The following NT5E variants were observed in gnomAD, a reference collection of about 807,000 sequenced individuals.
NT5E encodes 5'-nucleotidase ecto, also known as 5'-nucleotidase.
Under a neutral mutation model 55.1 loss-of-function variants are expected in NT5E, and 53 were observed. The ratio of observed to expected loss-of-function variants is 0.96; its 90% CI spans 0.77 to 1.21. The LOEUF (loss-of-function observed/expected upper bound fraction) is 1.21, where lower values mean the gene tolerates loss of function less well. Among genes scored for constraint, NT5E ranks in the 50% most tolerant of loss-of-function variants. The probability of loss-of-function intolerance (pLI) is 0.00; values close to 1 mark genes in which losing one functional copy is unlikely to be tolerated. For missense variants in NT5E, 683 were observed against 724.3 expected (o/e 0.94, Z 0.65); for synonymous variants, 270 against 278.4 (o/e 0.97, Z 0.30).
intron 1 of NT5E, among the ~76,000 whole-genome samples, chr6:85,459,193 G>A (rs1241753691): frequency 6.6e-6 from 1 of 152,100 alleles, no homozygotes; most frequent in Non-Finnish European, 1.5e-5. Flanking sequence ...CAAACTCCTG[G>A]GCTCAAGCAA....
Position 85,450,571 on chromosome 6 carries a change from G to C in NT5E, c.339+93G>C. ...CGGATGGCAGAGTGTGGCAAGCCTA[G>C]GTCCAGGGCGCGGAGAGATGTGGGG... On this transcript the variant is annotated intron_variant, in intron 1 of 8. Transcript: ENST00000257770. This position sits in a 1 kb window ranked among gnomAD's most constrained non-coding sequence, Gnocchi z 4.0. 2 of 1,201,058 alleles carry C rather than the reference G, an allele frequency of 1.7e-6. No individual in the cohort carries two copies. The highest frequency in any genetic ancestry group is 4.0e-5 in the Admixed American group (2 of 50,550). 74.4% of individuals were successfully genotyped at this position (1,201,058 alleles called of 1,614,324 possible). A position where few individuals can be genotyped will look rare whatever the true frequency, so the allele number is the denominator to read the frequency against.
At chr6:85,467,011 T>C in intron 1 of NT5E, 49 bp from the exon 2 acceptor site, 1 of 1,529,792 alleles carries the variant, frequency 6.5e-7, no homozygotes, top group Non-Finnish European at 9.0e-7. Flanking sequence ...TGGACTAATG[T>C]TATGTTTTTA....
intron 1 of NT5E, among the ~76,000 whole-genome samples, chr6:85,463,465 A>G (rs1769132916): frequency 6.6e-6 from 1 of 152,208 alleles, no homozygotes; most frequent in Admixed American, 6.5e-5. Flanking sequence ...ACATACCTAA[A>G]CTGATGGTTA....
At chr6:85,462,956 C>A (rs1203005993) in intron 1 of NT5E, among the ~76,000 whole-genome samples, 1 of 152,124 alleles carries the variant, frequency 6.6e-6, no homozygotes, top group South Asian at 2.1e-4. Flanking sequence ...TACAAGTTAC[C>A]TTTATATTTC....
rs186697169 is a variant in NT5E at position 85,479,372 on chromosome 6, C to A, written c.752-5863C>A. Among the ~76,000 whole-genome samples the A allele has an allele frequency of 1.1e-3, 167 of 152,286 alleles. 1 individual carries two copies. The highest frequency in any genetic ancestry group is 4.0e-3 in the African/African-American group (167 of 41,560). ...CAAGAAACATTTATGGCTAGGAATT[C>A]ATGACTGCTCATCTGTAAGACACTC... On this transcript the variant is annotated intron_variant, in intron 3 of 8. Coordinates refer to ENST00000257770, the MANE Select transcript of NT5E (RefSeq NM_002526.4).
In NT5E at chr6:85,487,428, G is replaced by C; in HGVS notation, c.1043G>C (p.Gly348Ala). Reference protein sequence around the residue: ...ELGKTIVYLDGSSQSCRFREC... With the variant: ...ELGKTIVYLDASSQSCRFREC... Reference sequence around the variant, plus strand: ...GGGAAAACAATTGTCTATCTGGATGGCTCCTCTCAATCATGCCGCTTTAGA... The same window carrying C: ...GGGAAAACAATTGTCTATCTGGATGCCTCCTCTCAATCATGCCGCTTTAGA... Residue 348 changes from glycine (G) to alanine (A), a missense_variant, in exon 5 of 9, where the codon GGC (glycine) becomes GCC (alanine). Physicochemically the swap from Gly to Ala is moderately conservative, Grantham distance 60 (BLOSUM62 0). Coordinates refer to ENST00000257770, the MANE Select transcript of NT5E (RefSeq NM_002526.4). The C allele has an allele frequency of 6.2e-7, 1 of 1,614,132 alleles. No individual in the cohort carries two copies. The highest frequency in any genetic ancestry group is 1.7e-4 in the Middle Eastern group (1 of 6,060).
At chr6:85,466,777 T>C (rs909785462) in intron 1 of NT5E, among the ~76,000 whole-genome samples, 2 of 152,116 alleles carry the variant, frequency 1.3e-5, no homozygotes, top group Non-Finnish European at 2.9e-5. Context: ...AATGTGAACA[T>C]TCAAACCTGC....
At chr6:85,490,112 A>G (rs1209022018) in intron 6 of NT5E, among the ~76,000 whole-genome samples, 1 of 152,234 alleles carries the variant, frequency 6.6e-6, no homozygotes, top group African/African-American at 2.4e-5. Flanking sequence ...GTGAAAACCA[A>G]TCAGTATCAG....
chr6:85,468,401 C>T (rs576979847), intron 2 of NT5E, among the ~76,000 whole-genome samples: 18 of 152,160 alleles, frequency 1.2e-4, no homozygotes, highest in Non-Finnish European at 1.9e-4. Flanking sequence ...GCTGAAGAAC[C>T]TCCTTGGTCC....
At chr6:85,489,368 T>A in intron 5 of NT5E, 126 bp from the exon 6 acceptor site, 1 of 717,998 alleles carries the variant, frequency 1.4e-6, no homozygotes, top group Non-Finnish European at 2.6e-6. Context: ...AGTTGAGAGA[T>A]CCCTGGGAAC....
intron 1 of NT5E, among the ~76,000 whole-genome samples, chr6:85,460,296 C>T (rs966008007): frequency 6.6e-6 from 1 of 152,140 alleles, no homozygotes; most frequent in African/African-American, 2.4e-5. Context: ...GCCTTTCCCA[C>T]TGTGTTTGGA....
intron 4 of NT5E, among the ~76,000 whole-genome samples, chr6:85,486,607 C>T (rs977532694): frequency 6.6e-6 from 1 of 152,144 alleles, no homozygotes; most frequent in East Asian, 1.9e-4. Context: ...CCTGACTGCA[C>T]GTCCATTTGT....
At chr6:85,465,905 G>A (rs928311662) in intron 1 of NT5E, among the ~76,000 whole-genome samples, 2 of 152,296 alleles carry the variant, frequency 1.3e-5, no homozygotes, top group South Asian at 2.1e-4. Flanking sequence ...TTAAATGGAC[G>A]GGTCACCAGC....
chr6:85,461,556 A>T (rs1445442661), intron 1 of NT5E, among the ~76,000 whole-genome samples: 2 of 152,158 alleles, frequency 1.3e-5, no homozygotes, highest in African/African-American at 4.8e-5. Flanking sequence ...CAGATATATA[A>T]AGCTGTGAGG....
intron 1 of NT5E, among the ~76,000 whole-genome samples, chr6:85,466,313 C>T (rs1396347328): frequency 2.0e-5 from 3 of 152,188 alleles, no homozygotes; most frequent in Non-Finnish European, 4.4e-5. Context: ...ACCATCCCTG[C>T]TCCTCCTGAA....
intron 1 of NT5E, 27 bp from the exon 2 acceptor site, chr6:85,467,033 T>A: frequency 6.3e-7 from 1 of 1,596,510 alleles, no homozygotes; most frequent in Non-Finnish European, 8.6e-7. Flanking sequence ...AGCACCTAAT[T>A]CTTTTTCTCT....
chr6:85,492,697 A>T lies in NT5E; in HGVS notation c.1561+520A>T, dbSNP rs147810131. 7.3e-3 allele frequency among the ~76,000 whole-genome samples: 1,104 copies of T among 152,272 alleles called. 10 individuals are homozygous for T. Among genetic ancestry groups the T allele is most frequent in the African/African-American group, 0.026 (1,066 of 41,562 alleles). On this transcript the variant is annotated intron_variant, in intron 8 of 8. Transcript: ENST00000257770. ...TTCTGGCAGCATTGAGGGACATTAT[A>T]TGCCAGCCTCACTTTTAGAAATTCT...
intron 2 of NT5E, 39 bp downstream of exon 2, chr6:85,467,321 G>C (rs771131286): frequency 6.5e-7 from 1 of 1,527,934 alleles, no homozygotes; most frequent in Non-Finnish European, 9.1e-7. Context: ...CTTGAAAATA[G>C]ATGCCCTAAA....
rs144535109 is a variant in NT5E at position 85,471,356 on chromosome 6, C to T, written c.682C>T (p.Leu228Phe). Residue 228 changes from leucine (L) to phenylalanine (F), a missense_variant, in exon 3 of 9, where the codon CTC (leucine) becomes TTC (phenylalanine). Leu to Phe is a conservative substitution (Grantham distance 22). Coordinates refer to ENST00000257770, the MANE Select transcript of NT5E (RefSeq NM_002526.4). ...ACATTCGGGTTTTGAAATGGATAAA[C>T]TCATCGCTCAGAAAGTGAGGGGTGT... ...LGHSGFEMDK[L>F]IAQKVRGVDV... 7 of 1,612,962 alleles carry T rather than the reference C, an allele frequency of 4.3e-6. No individual in the cohort carries two copies. The highest frequency in any genetic ancestry group is 5.1e-6 in the Non-Finnish European group (6 of 1,179,334).
Sources: gnomAD v4.1 joint callset for allele counts (sites outside exome capture counted in the v4.1 genomes callset) on GRCh38, gnomAD v4.1.1 for gene constraint, Gnocchi (gnomAD v3.1) non-coding constraint, MANE v1.5 for transcripts, NCBI Gene and HGNC (gene_info 2026-07-23, HGNC 2026-07-21) for gene names.